The following ANKRD29 variants were observed in gnomAD, a reference collection of about 807,000 sequenced individuals.
ANKRD29 encodes the protein ankyrin repeat domain 29.
ANKRD29 carries 32 observed loss-of-function variants against 38.0 expected under a neutral mutation model. The ratio of observed to expected loss-of-function variants is 0.84; its 90% CI spans 0.64 to 1.13. The LOEUF (loss-of-function observed/expected upper bound fraction) is 1.13, where lower values mean the gene tolerates loss of function less well. Ranked by LOEUF, ANKRD29 falls within the 50% of genes most tolerant of loss-of-function variation. The pLI is 0.00. For synonymous variants in ANKRD29, 135 were observed against 152.4 expected, an observed-to-expected ratio of 0.89 and a Z score of 0.84; for missense variants, 357 against 377.9, an observed-to-expected ratio of 0.94 and a Z score of 0.46.
intron 1 of ANKRD29, among the ~76,000 whole-genome samples, chr18:23,650,625 C>G (rs1180785021): frequency 6.6e-6 from 1 of 152,270 alleles, no homozygotes; most frequent in South Asian, 2.1e-4. Flanking sequence ...GCTTTGGGAC[C>G]AGACAGCTCA....
intron 9 of ANKRD29, among the ~76,000 whole-genome samples, chr18:23,602,035 T>C (rs2059519500): frequency 6.6e-6 from 1 of 151,170 alleles, no homozygotes; most frequent in Admixed American, 6.6e-5. Flanking sequence ...TCAGCACAGG[T>C]GTCTTTTTTT....
intron 9 of ANKRD29, among the ~76,000 whole-genome samples, chr18:23,605,514 TTTA>T (rs1161225576): frequency 1.3e-5 from 2 of 151,046 alleles, no homozygotes; most frequent in Non-Finnish European, 1.5e-5. Context: ...CACACAGAAT[TTTA>T]TTATTATTAT....
chr18:23,616,925 G>A (rs2059730914), intron 8 of ANKRD29, among the ~76,000 whole-genome samples: 1 of 151,710 alleles, frequency 6.6e-6, no homozygotes, highest in African/African-American at 2.4e-5. Context: ...AATCAAAAAT[G>A]ATCAAAATTT....
At chr18:23,650,351 C>A (rs1249891783) in intron 1 of ANKRD29, among the ~76,000 whole-genome samples, 1 of 151,790 alleles carries the variant, frequency 6.6e-6, no homozygotes, top group Non-Finnish European at 1.5e-5. Flanking sequence ...GCTGTGTGGC[C>A]TAGGCTGGTC....
intron 2 of ANKRD29, chr18:23,646,955 G>A (rs2060147772): frequency 6.6e-6 from 1 of 152,238 alleles, no homozygotes; most frequent in Non-Finnish European, 1.5e-5. Context: ...TCTAATTGAA[G>A]TGGGCATTTG....
intron 9 of ANKRD29, among the ~76,000 whole-genome samples, chr18:23,605,118 G>A (rs897375527): frequency 9.9e-5 from 15 of 151,760 alleles, no homozygotes; most frequent in African/African-American, 3.1e-4. Flanking sequence ...ATGGGGTTTC[G>A]CCATGTTGGA....
At position 23,619,612 on chromosome 18, in the gene ANKRD29, C is replaced by T; in HGVS notation, c.546G>A (p.Leu182=). 1 of 1,593,788 alleles carries T rather than the reference C, an allele frequency of 6.3e-7. No individual in the cohort carries two copies. The highest frequency in any genetic ancestry group is 1.1e-5 in the South Asian group (1 of 90,238). Residue 182 remains leucine, a synonymous_variant, in exon 7 of 10, where the codon CTG becomes CTA. Transcript: ENST00000592179. The part of the protein sequence containing the change: ...NQPRQDGTAP[L]WIASQMGHSE... The stretch of plus-strand genomic sequence containing the variant: ...TGTGGCCCATCTGGGACGCGATCCA[C>T]AGGGGCGCTGTCCCGTCCTGCGGGA...
chr18:23,654,279 A>AAAATAAATAAAT (rs71163628), intron 1 of ANKRD29, among the ~76,000 whole-genome samples: 1 of 136,516 alleles, frequency 7.3e-6, no homozygotes, highest in African/African-American at 2.8e-5. Flanking sequence ...GCCTCCACAA[A>AAAATAAATAAAT]AAATAAATAA....
chr18:23,630,012 A>G, intron 5 of ANKRD29, 61 bp from the exon 6 acceptor site: 1 of 1,460,672 alleles, frequency 6.8e-7, no homozygotes, highest in Non-Finnish European at 9.4e-7. Context: ...TTTAAAAGAA[A>G]TTAGGGCGGG....
At chr18:23,661,383 C>T (rs558602395) in intron 1 of ANKRD29, among the ~76,000 whole-genome samples, 1 of 152,188 alleles carries the variant, frequency 6.6e-6, no homozygotes, top group Non-Finnish European at 1.5e-5. Context: ...ATCTCTCTTG[C>T]CTTCCCTACT....
chr18:23,607,416 T>C (rs2059587435), intron 9 of ANKRD29, among the ~76,000 whole-genome samples: 1 of 152,202 alleles, frequency 6.6e-6, no homozygotes, highest in South Asian at 2.1e-4. Context: ...CATCAGTGGC[T>C]GGTCCATGGT....
chr18:23,631,067 C>T (rs576355967), intron 5 of ANKRD29, among the ~76,000 whole-genome samples: 1 of 151,778 alleles, frequency 6.6e-6, no homozygotes, highest in East Asian at 1.9e-4. Context: ...GTCCCCTTAT[C>T]CTTGTTCCCC....
rs183497177 is a variant in ANKRD29 at position 23,607,086 on chromosome 18, C to A, written c.822+5006G>T. Among the ~76,000 whole-genome samples, 13 of 152,350 alleles carry A rather than the reference C, an allele frequency of 8.5e-5. No homozygotes were observed. In the East Asian group the frequency reaches 2.3e-3, roughly 27 times the overall value. On this transcript the variant is annotated intron_variant, in intron 9 of 9. Transcript: ENST00000592179. The stretch of plus-strand genomic sequence containing the variant: ...CTGGATCCTGCCCCCTGACCTCTAT[C>A]TGCTGGCTGGAACCTCACTTGTTAG...
intron 8 of ANKRD29, 33 bp from the exon 9 acceptor site, chr18:23,612,223 A>C: frequency 7.6e-6 from 12 of 1,585,418 alleles, no homozygotes; most frequent in Non-Finnish European, 1.0e-5. Context: ...GTCAGGAGTG[A>C]GCTCACAGCC....
At chr18:23,621,820 G>A (rs907967168) in intron 6 of ANKRD29, among the ~76,000 whole-genome samples, 1 of 151,952 alleles carries the variant, frequency 6.6e-6, no homozygotes, top group Non-Finnish European at 1.5e-5. Flanking sequence ...GACTACAGGT[G>A]TGCACCACCA....
At chr18:23,611,994 T>A in intron 9 of ANKRD29, 98 bp downstream of exon 9, 1 of 1,081,312 alleles carries the variant, frequency 9.2e-7, no homozygotes, top group Non-Finnish European at 1.4e-6. Context: ...ATGCAAAGAA[T>A]GAAGATGGTG....
intron 5 of ANKRD29, among the ~76,000 whole-genome samples, chr18:23,630,323 A>T (rs1490087576): frequency 6.6e-6 from 1 of 152,254 alleles, no homozygotes; most frequent in African/African-American, 2.4e-5. Context: ...GCTACTCCGG[A>T]GGCTGAGGCA....
intron 9 of ANKRD29, among the ~76,000 whole-genome samples, chr18:23,606,555 C>A (rs993432306): frequency 3.9e-5 from 6 of 152,068 alleles, no homozygotes; most frequent in African/African-American, 1.4e-4. Context: ...AAGTGATCCT[C>A]CCACCTCTGC....
intron 1 of ANKRD29, among the ~76,000 whole-genome samples, chr18:23,662,024 G>GA (rs369229716): frequency 0.023 from 2,250 of 98,948 alleles, 22 homozygotes; most frequent in Non-Finnish European, 0.031. Context: ...TTTCTCATTT[G>GA]AAAAAAAAAA....
Sources: gnomAD v4.1 joint callset for allele counts (sites outside exome capture counted in the v4.1 genomes callset) on GRCh38, gnomAD v4.1.1 for gene constraint, MANE v1.5 for transcripts, NCBI Gene and HGNC (gene_info 2026-07-23, HGNC 2026-07-21) for gene names.